The following DPYD variants were observed in gnomAD, a reference collection of about 807,000 sequenced individuals.
DPYD encodes dihydropyrimidine dehydrogenase [NADP(+)].
Under a neutral mutation model 116.2 loss-of-function variants are expected in DPYD, and 109 were observed. The observed-to-expected ratio is 0.94, with a 90% CI of 0.80 to 1.10. The LOEUF is 1.10. DPYD is among the 50% of genes least tolerant of loss of function. The pLI, the probability that DPYD is intolerant of heterozygous loss-of-function variation, is 0.00. For synonymous variants in DPYD, 440 were observed against 432.0 expected (o/e 1.02, Z -0.23); for missense variants, 1,302 against 1,254.5 (o/e 1.04, Z -0.57).
chr1:97,162,580 C>T (rs1391839831), intron 20 of DPYD, among the ~76,000 whole-genome samples: 3 of 151,990 alleles, frequency 2.0e-5, no homozygotes, highest in Non-Finnish European at 2.9e-5. Context: ...GATTCAATGC[C>T]ATCCCCATCA....
chr1:97,913,307 G>T (rs1027912633), intron 1 of DPYD, among the ~76,000 whole-genome samples: 1 of 152,182 alleles, frequency 6.6e-6, no homozygotes, highest in Non-Finnish European at 1.5e-5. Context: ...TACCAAGTAT[G>T]TAAATCGAGG....
chr1:97,703,885 T>C (rs113343400), intron 5 of DPYD, among the ~76,000 whole-genome samples: 3 of 152,178 alleles, frequency 2.0e-5, no homozygotes, highest in African/African-American at 4.8e-5. Context: ...TTTTCAAAAT[T>C]ACTGTGTTTC....
intron 7 of DPYD, among the ~76,000 whole-genome samples, chr1:97,688,097 C>T (rs1209338430): frequency 6.6e-6 from 1 of 152,094 alleles, no homozygotes; most frequent in Non-Finnish European, 1.5e-5. Flanking sequence ...TGTAACAAAT[C>T]TACGCATCCT....
chr1:97,687,972 T>C (rs768936672), intron 7 of DPYD, among the ~76,000 whole-genome samples: 1 of 151,976 alleles, frequency 6.6e-6, no homozygotes, highest in Admixed American at 6.6e-5. Context: ...CTGGGGCCAG[T>C]TGAGTGGGGC....
At chr1:97,467,931 T>G (rs1677421224) in intron 13 of DPYD, among the ~76,000 whole-genome samples, 2 of 152,184 alleles carry the variant, frequency 1.3e-5, no homozygotes, top group Admixed American at 1.3e-4. Context: ...CTATTTAGTT[T>G]GGTGCAACCT....
rs372684608 is a variant in DPYD at position 97,382,537 on chromosome 1, T to C, written c.1906-76A>G. 12 of 782,850 alleles carry C rather than the reference T, an allele frequency of 1.5e-5. No individual in the cohort carries two copies. The South Asian group carries it at 2.7e-4, about 17-fold the overall frequency. The allele number at this position is 782,850 out of a possible 1,614,324, so 48.5% of individuals were successfully genotyped here. ...ACACAAAGATATATTAATATTTACA[T>C]AAATTTATAATGGTAAACTATATTA... On this transcript the variant is annotated intron_variant, in intron 14 of 22. Transcript: ENST00000370192.
chr1:97,253,561 T>G (rs1050650653), intron 18 of DPYD, among the ~76,000 whole-genome samples: 1 of 152,154 alleles, frequency 6.6e-6, no homozygotes, highest in African/African-American at 2.4e-5. Context: ...CTTGTGCCAT[T>G]CTCATCCTCC....
At chr1:97,507,112 C>T (rs1348271148) in intron 13 of DPYD, among the ~76,000 whole-genome samples, 1 of 151,902 alleles carries the variant, frequency 6.6e-6, no homozygotes, top group Non-Finnish European at 1.5e-5. Flanking sequence ...TGAAATGTCC[C>T]ATAGGAGTAC....
chr1:97,828,569 G>C (rs545127784), intron 2 of DPYD, among the ~76,000 whole-genome samples: 25 of 152,116 alleles, frequency 1.6e-4, no homozygotes, highest in South Asian at 4.1e-4. Flanking sequence ...AAACTCAAAA[G>C]AGAAAACCAT....
intron 3 of DPYD, among the ~76,000 whole-genome samples, chr1:97,766,003 G>A (rs1296256991): frequency 6.6e-6 from 1 of 152,114 alleles, no homozygotes; most frequent in African/African-American, 2.4e-5. Flanking sequence ...CAGCACTTCA[G>A]GAGGCCAGGG....
chr1:97,314,715 G>A (rs906477062), intron 16 of DPYD, among the ~76,000 whole-genome samples: 2 of 151,768 alleles, frequency 1.3e-5, no homozygotes, highest in Admixed American at 1.3e-4. Flanking sequence ...GCCACAATTT[G>A]TCCCTATGGA....
At chr1:97,719,973 G>A in intron 5 of DPYD, 1 of 984,914 alleles carries the variant, frequency 1.0e-6, no homozygotes, top group Non-Finnish European at 1.2e-6. Context: ...ATTTTAGTAA[G>A]TTTCTAATAA....
At chr1:97,754,081 A>T (rs1665088288) in intron 3 of DPYD, among the ~76,000 whole-genome samples, 1 of 152,154 alleles carries the variant, frequency 6.6e-6, no homozygotes, top group Non-Finnish European at 1.5e-5. Flanking sequence ...GCACATAAAG[A>T]ATATGTGGAA....
At chr1:97,771,964 G>T (rs975142299) in intron 3 of DPYD, among the ~76,000 whole-genome samples, 2 of 151,948 alleles carry the variant, frequency 1.3e-5, no homozygotes, top group African/African-American at 4.8e-5. Flanking sequence ...AAAGGAAAAG[G>T]CTATAAAATT....
intron 5 of DPYD, among the ~76,000 whole-genome samples, chr1:97,716,730 C>T (rs558789055): frequency 6.6e-6 from 1 of 151,980 alleles, no homozygotes; most frequent in Admixed American, 6.6e-5. Flanking sequence ...CTTCAACATT[C>T]ATTTGAGAAT....
At chr1:97,784,839 A>C (rs914040903) in intron 3 of DPYD, among the ~76,000 whole-genome samples, 1 of 152,238 alleles carries the variant, frequency 6.6e-6, no homozygotes, top group African/African-American at 2.4e-5. Context: ...ATACAGTTAA[A>C]TAGACACTAA....
At chr1:97,788,079 C>T (rs1667134480) in intron 3 of DPYD, among the ~76,000 whole-genome samples, 2 of 152,128 alleles carry the variant, frequency 1.3e-5, no homozygotes, top group Admixed American at 1.3e-4. Flanking sequence ...ATATTTATCC[C>T]ATGAAGATAT....
chr1:97,836,707 G>C (rs1457421944), intron 2 of DPYD, among the ~76,000 whole-genome samples: 1 of 151,948 alleles, frequency 6.6e-6, no homozygotes, highest in African/African-American at 2.4e-5. Context: ...GAATTTACTA[G>C]ATTAGGGCTC....
intron 20 of DPYD, among the ~76,000 whole-genome samples, chr1:97,113,130 T>C (rs1207297535): frequency 6.6e-6 from 1 of 152,170 alleles, no homozygotes; most frequent in Non-Finnish European, 1.5e-5. Context: ...AATATGTGTG[T>C]GCCTACTGTG....
Sources: gnomAD v4.1 joint callset for allele counts (sites outside exome capture counted in the v4.1 genomes callset) on GRCh38, gnomAD v4.1.1 for gene constraint, MANE v1.5 for transcripts, NCBI Gene and HGNC (gene_info 2026-07-23, HGNC 2026-07-21) for gene names.